DRC8: variants seen among roughly 807,000 people sequenced by gnomAD.
DRC8 encodes the protein dynein regulatory complex subunit 8.
chr1:245,094,486 G>A, the DRC8 span, among the ~76,000 whole-genome samples: 1 of 152,178 alleles, frequency 6.6e-6, no homozygotes, highest in African/African-American at 2.4e-5. Flanking sequence ...GGCTCCCCGA[G>A]CTTCCTTCAG....
At chr1:245,061,712 C>T in the DRC8 span, among the ~76,000 whole-genome samples, 24 of 152,090 alleles carry the variant, frequency 1.6e-4, no homozygotes, top group Admixed American at 3.9e-4. Flanking sequence ...ATCAAAGCCC[C>T]GTAAAAGTCA....
chr1:244,986,787 G>A, the DRC8 span, among the ~76,000 whole-genome samples: 3 of 152,040 alleles, frequency 2.0e-5, no homozygotes, highest in African/African-American at 7.2e-5. Context: ...ACTGTGGAAG[G>A]GTGGAGCACG....
At chr1:245,105,525 C>G in the DRC8 span, among the ~76,000 whole-genome samples, 18 of 148,136 alleles carry the variant, frequency 1.2e-4, no homozygotes, top group Admixed American at 1.2e-3. Flanking sequence ...GGGCTCAGGG[C>G]TCAGGGAGTA....
At chr1:244,974,923 A>AT in the DRC8 span, among the ~76,000 whole-genome samples, 3 of 148,502 alleles carry the variant, frequency 2.0e-5, no homozygotes, top group Non-Finnish European at 4.5e-5. Flanking sequence ...CAAACTCTTT[A>AT]TTTTTTTTAT....
the DRC8 span, among the ~76,000 whole-genome samples, chr1:245,058,410 T>C: frequency 6.6e-6 from 1 of 152,218 alleles, no homozygotes; most frequent in African/African-American, 2.4e-5. Context: ...CCACAGTTAC[T>C]GACTTTAGGT....
chr1:245,067,489 G>C, the DRC8 span, among the ~76,000 whole-genome samples: 11 of 152,178 alleles, frequency 7.2e-5, no homozygotes, highest in Non-Finnish European at 1.3e-4. Flanking sequence ...TTAAAATAAT[G>C]TAATGACACT....
the DRC8 span, among the ~76,000 whole-genome samples, chr1:245,023,856 A>G: frequency 6.6e-6 from 1 of 152,028 alleles, no homozygotes; most frequent in Admixed American, 6.6e-5. Flanking sequence ...ACTTATCAAT[A>G]TATCTTGACT....
At chr1:245,034,623 A>AAAAAAAG in the DRC8 span, among the ~76,000 whole-genome samples, 3 of 139,590 alleles carry the variant, frequency 2.1e-5, no homozygotes, top group African/African-American at 7.8e-5. Flanking sequence ...AAAAAAAAAA[A>AAAAAAAG]AAAAGAAAAG....
the DRC8 span, chr1:245,002,227 C>T: frequency 3.7e-6 from 6 of 1,606,036 alleles, no homozygotes; most frequent in Non-Finnish European, 5.1e-6. Context: ...TTATGGGGAA[C>T]ACAGGGTACA....
At chr1:245,082,131 C>T in the DRC8 span, 10 of 1,612,874 alleles carry the variant, frequency 6.2e-6, no homozygotes, top group Non-Finnish European at 8.5e-6. Flanking sequence ...AAAATTTCTT[C>T]CGGTGATGAC....
chr1:244,970,558 G>A, the DRC8 span: 2 of 1,394,626 alleles, frequency 1.4e-6, no homozygotes, highest in South Asian at 1.4e-5. Context: ...CACCCGCAGG[G>A]AAAGGGCGGC....
the DRC8 span, among the ~76,000 whole-genome samples, chr1:245,108,082 G>A: frequency 2.0e-5 from 3 of 151,992 alleles, no homozygotes; most frequent in East Asian, 1.9e-4. Flanking sequence ...AGTCCACCCC[G>A]TCTTTTCAAA....
At chr1:244,980,869 C>G in the DRC8 span, among the ~76,000 whole-genome samples, 1 of 152,120 alleles carries the variant, frequency 6.6e-6, no homozygotes, top group Non-Finnish European at 1.5e-5. Context: ...TTGAGAATGT[C>G]CAGAAAAAAT....
chr1:245,076,960 C>CAA, the DRC8 span, among the ~76,000 whole-genome samples: 2 of 152,024 alleles, frequency 1.3e-5, no homozygotes, highest in Admixed American at 6.6e-5. Context: ...CTCCTGACCT[C>CAA]GTGATCCGCC....
At chr1:245,068,881 G>A in the DRC8 span, among the ~76,000 whole-genome samples, 2 of 151,338 alleles carry the variant, frequency 1.3e-5, no homozygotes, top group African/African-American at 4.9e-5. Context: ...TGATTAAATT[G>A]CACAAGAAAA....
At chr1:245,000,281 G>T in the DRC8 span, among the ~76,000 whole-genome samples, 1 of 152,164 alleles carries the variant, frequency 6.6e-6, no homozygotes, top group African/African-American at 2.4e-5. Context: ...GATGAAGAAG[G>T]GATGGAGTGG....
the DRC8 span, among the ~76,000 whole-genome samples, chr1:245,121,489 T>G: frequency 0.011 from 1,617 of 152,340 alleles, 29 homozygotes; most frequent in African/African-American, 0.036. Context: ...GCCCATGGTC[T>G]TTCCCTTGCA....
chr1:245,080,987 C>T, the DRC8 span, among the ~76,000 whole-genome samples: 2 of 152,192 alleles, frequency 1.3e-5, no homozygotes, highest in African/African-American at 2.4e-5. Context: ...CTCTAGGTGA[C>T]TGTCTCTCCC....
chr1:245,027,201 A>T, the DRC8 span, among the ~76,000 whole-genome samples: 277 of 152,346 alleles, frequency 1.8e-3, 2 homozygotes, highest in African/African-American at 5.9e-3. Flanking sequence ...TAAAGAAAAG[A>T]GTCAAAGAGA....
Sources: gnomAD v4.1 joint callset for allele counts (sites outside exome capture counted in the v4.1 genomes callset) on GRCh38, gnomAD v4.1.1 for gene constraint, MANE v1.5 for transcripts, NCBI Gene and HGNC (gene_info 2026-07-23, HGNC 2026-07-21) for gene names.